NKAIN3: variants seen among roughly 807,000 people sequenced by gnomAD.
The protein encoded by NKAIN3 is sodium/potassium transporting ATPase interacting 3.
In NKAIN3, 25 loss-of-function variants were observed where a neutral mutation model predicts 30.2. That is an observed-to-expected ratio of 0.83 (90% CI 0.60 to 1.16). The LOEUF is 1.16. Among genes scored for constraint, NKAIN3 ranks in the 50% most tolerant of loss-of-function variants. The pLI is 0.00. For missense variants in NKAIN3, 225 were observed against 254.1 expected (o/e 0.89, Z 0.78); for synonymous variants, 91 against 89.6 (o/e 1.02, Z -0.09).
chr8:62,740,299 A>C (rs1815823457), intron 3 of NKAIN3, among the ~76,000 whole-genome samples: 1 of 152,184 alleles, frequency 6.6e-6, no homozygotes, highest in South Asian at 2.1e-4. Context: ...GTAAAATTGA[A>C]CAAAATCTGG....
Position 62,727,108 on chromosome 8 carries a change from T to A in NKAIN3, c.274-19824T>A, listed in dbSNP as rs1815283186. Among the ~76,000 whole-genome samples, 3 of 152,144 alleles carry A rather than the reference T, an allele frequency of 2.0e-5. 1 individual carries two copies. The South Asian group carries it at 6.2e-4, about 31-fold the overall frequency. On this transcript the variant is annotated intron_variant, in intron 3 of 6. Coordinates refer to ENST00000623646, the MANE Select transcript of NKAIN3 (RefSeq NM_001304533.3). Reference sequence around the variant, plus strand: ...AGGCTAAAGAAGAAAAATTACATGGTCATGTCAATAGATGCAGAAAAAGCA... The same window carrying A: ...AGGCTAAAGAAGAAAAATTACATGGACATGTCAATAGATGCAGAAAAAGCA...
chr8:62,732,799 C>CAT (rs1815519871), intron 3 of NKAIN3, among the ~76,000 whole-genome samples: 6 of 151,930 alleles, frequency 3.9e-5, no homozygotes, highest in Admixed American at 3.9e-4. Context: ...ATAATTATAT[C>CAT]ACATTTATAC....
chr8:62,568,631 C>T (rs1809829036), intron 1 of NKAIN3, among the ~76,000 whole-genome samples: 1 of 152,104 alleles, frequency 6.6e-6, no homozygotes, highest in Non-Finnish European at 1.5e-5. Flanking sequence ...CCTCTTTTAA[C>T]AGAAAACTTT....
At chr8:62,576,456 T>G (rs1017814018) in intron 1 of NKAIN3, among the ~76,000 whole-genome samples, 4 of 152,080 alleles carry the variant, frequency 2.6e-5, no homozygotes, top group Non-Finnish European at 4.4e-5. Context: ...AGATCCTCTT[T>G]CAGTCCTCTA....
intron 6 of NKAIN3, among the ~76,000 whole-genome samples, chr8:62,959,570 G>A (rs1351287403): frequency 2.0e-5 from 3 of 151,928 alleles, no homozygotes; most frequent in African/African-American, 7.3e-5. Flanking sequence ...CACCTAAAGA[G>A]GAATAGAATA....
intron 4 of NKAIN3, among the ~76,000 whole-genome samples, chr8:62,812,028 A>C (rs917129239): frequency 2.0e-5 from 3 of 151,964 alleles, no homozygotes; most frequent in African/African-American, 7.2e-5. Context: ...TGAATAAGAA[A>C]ATTTAGGTCA....
intron 1 of NKAIN3, among the ~76,000 whole-genome samples, chr8:62,447,701 G>A (rs1405876435): frequency 3.9e-5 from 6 of 152,018 alleles, no homozygotes; most frequent in Non-Finnish European, 5.9e-5. Flanking sequence ...TTCATCAGAA[G>A]CAGAAATTCA....
intron 3 of NKAIN3, among the ~76,000 whole-genome samples, chr8:62,666,087 G>A (rs755837426): frequency 2.6e-5 from 4 of 151,996 alleles, no homozygotes; most frequent in East Asian, 1.9e-4. Context: ...GGTGGTGGGC[G>A]CCTGTAATCC....
rs960898497 is a variant in NKAIN3 at position 62,970,297 on chromosome 8, T to C, written c.*4890T>C. ...TATCAATAAAGAATTCTCAAAAAAATGGAATTATCAAAAAATTCAAAAGTT... is the reference window on the plus strand; with the variant it reads ...TATCAATAAAGAATTCTCAAAAAAACGGAATTATCAAAAAATTCAAAAGTT... On this transcript the variant is annotated 3_prime_UTR_variant, in exon 7 of 7. Coordinates refer to ENST00000623646, the MANE Select transcript of NKAIN3 (RefSeq NM_001304533.3). Among the ~76,000 whole-genome samples, 6 of 152,218 alleles carry C rather than the reference T, an allele frequency of 3.9e-5. No individual in the cohort carries two copies. The East Asian group carries it at 1.2e-3, about 29-fold the overall frequency.
intron 3 of NKAIN3, among the ~76,000 whole-genome samples, chr8:62,668,588 C>T (rs1334295381): frequency 6.6e-6 from 1 of 152,156 alleles, no homozygotes; most frequent in African/African-American, 2.4e-5. Context: ...AGATTCCACA[C>T]TGCGCAATCA....
chr8:62,681,639 T>A (rs1813648238), intron 3 of NKAIN3, among the ~76,000 whole-genome samples: 1 of 152,202 alleles, frequency 6.6e-6, no homozygotes, highest in South Asian at 2.1e-4. Context: ...AAAATCATGT[T>A]ATTTTTATGT....
rs201511724 is a variant in NKAIN3, at chr8:62,454,301, C to CAAAAAAA, written c.55-125222_55-125216dup. 6.4e-4 allele frequency among the ~76,000 whole-genome samples: 36 copies of CAAAAAAA among 56,156 alleles called. 1 individual carries two copies. Among genetic ancestry groups the CAAAAAAA allele is most frequent in the South Asian group, 9.4e-4 (1 of 1,066 alleles). 36.8% of individuals were successfully genotyped at this position (56,156 alleles called of 152,430 possible). ...ACCAACACTAACAATAGCTGATGTGCAAAAAAAAAAAAAAAAAAAAAATCT... is the reference window on the plus strand; with the variant it reads ...ACCAACACTAACAATAGCTGATGTGCAAAAAAAAAAAAAAAAAAAAAAAAAAAAATCT... On this transcript the variant is annotated intron_variant, in intron 1 of 6. Transcript: ENST00000623646.
chr8:62,769,955 AT>A lies in NKAIN3; in HGVS notation c.471+22827del, dbSNP rs563039532. 3.3e-3 allele frequency among the ~76,000 whole-genome samples: 498 copies of A among 152,314 alleles called. 6 individuals are homozygous for A. The highest frequency in any genetic ancestry group is 3.6e-3 in the Non-Finnish European group (244 of 68,022). On this transcript the variant is annotated intron_variant, in intron 4 of 6. Transcript: ENST00000623646. ...TAAGATAACTCAATAATCTCCCCTT[AT>A]AGTACTCATGCCCTTGCATAATCCT...
At chr8:62,760,184 T>C (rs1242911446) in intron 4 of NKAIN3, among the ~76,000 whole-genome samples, 2 of 152,286 alleles carry the variant, frequency 1.3e-5, no homozygotes, top group East Asian at 3.9e-4. Flanking sequence ...GGTGAGACTG[T>C]AAACTAGTTC....
chr8:62,972,069 AT>A lies in NKAIN3; in HGVS notation c.*6666del, dbSNP rs1204347893. 6.6e-6 allele frequency among the ~76,000 whole-genome samples: 1 copy of A among 152,118 alleles called. No individual in the cohort carries two copies. Among genetic ancestry groups the A allele is most frequent in the Non-Finnish European group, 1.5e-5 (1 of 68,012 alleles). ...TCTTCTATGGTCATAACACTTGGCT[AT>A]TTTATTTTGGTAGGGCCTTCTCTTC... On this transcript the variant is annotated 3_prime_UTR_variant, in exon 7 of 7. Coordinates refer to ENST00000623646, the MANE Select transcript of NKAIN3 (RefSeq NM_001304533.3).
chr8:62,321,839 A>G (rs1156948101), intron 1 of NKAIN3, among the ~76,000 whole-genome samples: 3 of 152,164 alleles, frequency 2.0e-5, no homozygotes, highest in Non-Finnish European at 4.4e-5. Context: ...TGGGAGAACC[A>G]CTACTCTCTT....
intron 3 of NKAIN3, among the ~76,000 whole-genome samples, chr8:62,717,790 A>C (rs1814955100): frequency 6.6e-6 from 1 of 152,240 alleles, no homozygotes; most frequent in South Asian, 2.1e-4. Flanking sequence ...GATGGCAAAA[A>C]TGATAGGTGT....
chr8:62,495,678 A>T (rs1026249770), intron 1 of NKAIN3, among the ~76,000 whole-genome samples: 4 of 152,108 alleles, frequency 2.6e-5, no homozygotes, highest in African/African-American at 9.7e-5. Flanking sequence ...ATTGAAAAGC[A>T]TAGATTTTTA....
chr8:62,742,417 CT>C (rs1432458561), intron 3 of NKAIN3, among the ~76,000 whole-genome samples: 1 of 152,094 alleles, frequency 6.6e-6, no homozygotes, highest in East Asian at 1.9e-4. Context: ...AAATTTATGT[CT>C]TGCTTTTAGG....
Sources: allele counts gnomAD v4.1 joint callset (sites outside exome capture counted in the v4.1 genomes callset), GRCh38; gene constraint gnomAD v4.1.1; transcripts MANE v1.5; gene names NCBI Gene and HGNC (gene_info 2026-07-23, HGNC 2026-07-21).